The following DDX1 variants were observed in gnomAD, a reference collection of about 807,000 sequenced individuals.
DDX1 encodes the protein ATP-dependent RNA helicase DDX1.
In DDX1, 28 loss-of-function variants were observed where a neutral mutation model predicts 108.7. The ratio of observed to expected loss-of-function variants is 0.26; its 90% CI spans 0.19 to 0.35. DDX1 has a LOEUF of 0.35. Among genes scored for constraint, DDX1 ranks in the 10% least tolerant of loss-of-function variants. DDX1 has a pLI of 1.00. For synonymous variants in DDX1, 295 were observed against 288.9 expected, an observed-to-expected ratio of 1.02 and a Z score of -0.21; for missense variants, 710 against 884.5, an observed-to-expected ratio of 0.80 and a Z score of 2.50.
chr2:15,592,736 T>G (rs533440486), intron 1 of DDX1, among the ~76,000 whole-genome samples: 30 of 152,320 alleles, frequency 2.0e-4, no homozygotes, highest in African/African-American at 7.0e-4. Flanking sequence ...GATACATTTA[T>G]GTAGCACTTA....
At chr2:15,601,418 G>A (rs1473408644) in intron 6 of DDX1, among the ~76,000 whole-genome samples, 1 of 152,164 alleles carries the variant, frequency 6.6e-6, no homozygotes, top group African/African-American at 2.4e-5. Context: ...CCCAGGTTGT[G>A]GCTTATGCTT....
At chr2:15,595,095 A>C (rs781107080) in intron 1 of DDX1, 50 bp from the exon 2 acceptor site, 1 of 1,401,932 alleles carries the variant, frequency 7.1e-7, no homozygotes, top group Non-Finnish European at 1.0e-6. Flanking sequence ...AGAGCAATGC[A>C]ATTTATCATT....
At chr2:15,625,547 T>G (rs1318896667) in intron 19 of DDX1, among the ~76,000 whole-genome samples, 1 of 152,160 alleles carries the variant, frequency 6.6e-6, no homozygotes, top group Non-Finnish European at 1.5e-5. Context: ...GAAGATGAGT[T>G]GATGGATGGA....
At chr2:15,629,573 T>C in intron 23 of DDX1, 29 bp from the exon 24 acceptor site, 1 of 1,480,006 alleles carries the variant, frequency 6.8e-7, no homozygotes, top group Non-Finnish European at 9.3e-7. Context: ...TCTCCATGCA[T>C]GTTAATATTT....
At chr2:15,605,874 G>T in intron 10 of DDX1, 76 bp from the exon 11 acceptor site, 1 of 995,130 alleles carries the variant, frequency 1.0e-6, no homozygotes, top group Middle Eastern at 3.2e-4. Flanking sequence ...CAGGTAAGCT[G>T]GTAGATTTGA....
chr2:15,603,152 G>A (rs767429680), intron 7 of DDX1, 40 bp from the exon 8 acceptor site: 15 of 1,311,344 alleles, frequency 1.1e-5, no homozygotes, highest in Middle Eastern at 1.8e-4. Context: ...TGAATCGTGT[G>A]TGTGATTTAT....
intron 6 of DDX1, among the ~76,000 whole-genome samples, chr2:15,600,089 A>G (rs1665565054): frequency 6.6e-6 from 1 of 152,246 alleles, no homozygotes. Flanking sequence ...TATGAATTTG[A>G]ATACAGAAAA....
At chr2:15,592,476 C>T (rs948792662) in intron 1 of DDX1, among the ~76,000 whole-genome samples, 16 of 152,146 alleles carry the variant, frequency 1.1e-4, no homozygotes, top group African/African-American at 3.9e-4. Flanking sequence ...TGTTCTTAAA[C>T]GTTGTTATAT....
At chr2:15,629,800 T>C (rs1573053574) in intron 24 of DDX1, 103 bp downstream of exon 24, 2 of 1,070,522 alleles carry the variant, frequency 1.9e-6, no homozygotes, top group Non-Finnish European at 2.7e-6. Context: ...TTGTCACTTA[T>C]AAGGGAAAGT....
At chr2:15,596,839 G>A in intron 4 of DDX1, 76 bp downstream of exon 4, 1 of 1,137,898 alleles carries the variant, frequency 8.8e-7, no homozygotes, top group Non-Finnish European at 1.3e-6. Context: ...TTTTTACTTT[G>A]AAATATTTAA....
At chr2:15,618,301 C>T in intron 16 of DDX1, 31 bp downstream of exon 16, 2 of 1,123,282 alleles carry the variant, frequency 1.8e-6, no homozygotes, top group Non-Finnish European at 2.7e-6. Context: ...TCTTAAAATG[C>T]ATGTAAACAA....
chr2:15,604,040 T>C (rs772548001), intron 9 of DDX1, 150 bp downstream of exon 9: 11 of 587,288 alleles, frequency 1.9e-5, no homozygotes, highest in Non-Finnish European at 3.0e-5. Context: ...TGGACTTTAG[T>C]GAAGAAATAT....
At chr2:15,625,300 A>G (rs1666083140) in intron 19 of DDX1, among the ~76,000 whole-genome samples, 1 of 152,166 alleles carries the variant, frequency 6.6e-6, no homozygotes, top group African/African-American at 2.4e-5. Flanking sequence ...AGTAGTCCCC[A>G]CAAGGGTGGC....
At chr2:15,615,952 G>T (rs762382968) in intron 14 of DDX1, among the ~76,000 whole-genome samples, 62 of 152,060 alleles carry the variant, frequency 4.1e-4, no homozygotes, top group Admixed American at 1.6e-3. Context: ...GAGTGCAGTG[G>T]TGTGATCTCA....
chr2:15,615,372 C>T (rs552422437), intron 14 of DDX1, among the ~76,000 whole-genome samples: 113 of 152,226 alleles, frequency 7.4e-4, no homozygotes, highest in African/African-American at 2.2e-3. Context: ...TGCTGAAATT[C>T]GGAAGGAGGA....
rs1182259235 is a variant in DDX1, at chr2:15,591,946, T to A, written c.13T>A (p.Ser5Thr). The change falls in exon 1 of 26, where the codon TCC becomes ACC. Residue 5 changes from serine to threonine, a missense_variant. Ser to Thr is a moderately conservative substitution (Grantham distance 58). Transcript: ENST00000233084. ...GGACGGGGTGAAGATGGCGGCCTTC[T>A]CCGGTGCGTTTGTGGAAACTCTGGG... is the stretch of plus-strand genomic sequence containing the variant. Reference protein sequence around the residue: MAAFSEMGVMPEIAQ... With the variant: MAAFTEMGVMPEIAQ... 1.7e-5 allele frequency: 25 copies of A among 1,433,676 alleles called. No homozygotes were observed. Among genetic ancestry groups the A allele is most frequent in the Non-Finnish European group, 2.2e-5 (24 of 1,092,496 alleles). The allele number at this position is 1,433,676 out of a possible 1,614,324, so 88.8% of individuals were successfully genotyped here. A position where few individuals can be genotyped will look rare whatever the true frequency, so the allele number is the denominator to read the frequency against.
In DDX1 at chr2:15,602,616, A is replaced by G. The variant is rs1176323527; in HGVS notation, c.376A>G (p.Lys126Glu). The G allele has an allele frequency of 1.9e-6, 3 of 1,611,032 alleles. No homozygotes were observed. Among genetic ancestry groups the G allele is most frequent in the East Asian group, 4.5e-5 (2 of 44,854 alleles). ...GGAATGGCATGGGTGTAGAGCTACT[A>G]AAGGATTAATGAAAGGTATTTGAAC... ...VKEWHGCRAT[K>E]GLMKGKHYYE... The change falls in exon 7 of 26, where the codon AAA becomes GAA. Residue 126 changes from lysine to glutamate, a missense_variant. Transcript: ENST00000233084.
At chr2:15,617,111 T>G (rs1431458815) in intron 14 of DDX1, 133 bp from the exon 15 acceptor site, 3 of 419,910 alleles carry the variant, frequency 7.1e-6, no homozygotes, top group Non-Finnish European at 1.3e-5. Flanking sequence ...CCTTTTTTTT[T>G]TTTATAAATT....
intron 3 of DDX1, 21 bp downstream of exon 3, chr2:15,595,574 G>A (rs1198261832): frequency 2.6e-6 from 4 of 1,540,090 alleles, no homozygotes; most frequent in Non-Finnish European, 3.6e-6. Context: ...ATTTGGTGAG[G>A]TGATTGGTAG....
Sources: gnomAD v4.1 joint callset for allele counts (sites outside exome capture counted in the v4.1 genomes callset) on GRCh38, gnomAD v4.1.1 for gene constraint, MANE v1.5 for transcripts, NCBI Gene and HGNC (gene_info 2026-07-23, HGNC 2026-07-21) for gene names.